DST: variants seen among roughly 807,000 people sequenced by gnomAD.
DST encodes the protein bullous pemphigoid antigen.
In DST, 253 loss-of-function variants were observed where a neutral mutation model predicts 875.2. That is an observed-to-expected ratio of 0.29 (90% CI 0.26 to 0.32). The LOEUF (loss-of-function observed/expected upper bound fraction) is 0.32. Among genes scored for constraint, DST ranks in the 10% least tolerant of loss-of-function variants. The probability of loss-of-function intolerance (pLI) is 1.00; values close to 1 mark genes in which losing one functional copy is unlikely to be tolerated. For synonymous variants in DST, 3,124 were observed against 3,197.1 expected (o/e 0.98, Z 0.77); for missense variants, 8,287 against 9,111.6 (o/e 0.91, Z 3.68).
intron 64 of DST, among the ~76,000 whole-genome samples, 163 bp from the exon 65 acceptor site, chr6:56,530,296 C>T (rs1035688798): frequency 6.6e-6 from 1 of 152,110 alleles, no homozygotes; most frequent in Admixed American, 6.6e-5. Context: ...TAAAACAATT[C>T]TTCTGTTAAA....
At position 56,634,958 on chromosome 6, in the gene DST, GTAA is replaced by G. The variant is rs759348195; in HGVS notation, c.3187-8_3187-6del. On this transcript the variant is annotated splice_polypyrimidine_tract_variant and splice_region_variant and intron_variant, in intron 24 of 103. Coordinates refer to ENST00000680361, the MANE Select transcript of DST (RefSeq NM_001374736.1). The stretch of plus-strand genomic sequence containing the variant: ...CAGAAGTTCTTCTTTCTCTTCCTAA[GTAA>G]TAAATACAGTGAATTTTAAGAAGTA... The G allele has an allele frequency of 9.3e-6, 15 of 1,607,680 alleles. No individual in the cohort carries two copies. The highest frequency in any genetic ancestry group is 1.3e-5 in the Non-Finnish European group (15 of 1,175,272).
intron 85 of DST, among the ~76,000 whole-genome samples, chr6:56,490,854 A>C (rs2095712811): frequency 6.6e-6 from 1 of 152,342 alleles, no homozygotes; most frequent in Non-Finnish European, 1.5e-5. Flanking sequence ...CCATATAAAT[A>C]GAGGAAATGC....
intron 4 of DST, among the ~76,000 whole-genome samples, chr6:56,780,431 G>C (rs1371142619): frequency 2.0e-5 from 3 of 151,378 alleles, no homozygotes; most frequent in East Asian, 1.9e-4. Flanking sequence ...ACTGGTGTGA[G>C]ATGGTATCTC....
rs1007637727 is a variant in DST, at chr6:56,789,224, C to T, written c.626-53935G>A. Among the ~76,000 whole-genome samples the T allele has an allele frequency of 2.6e-5, 4 of 152,126 alleles. No individual in the cohort carries two copies. The South Asian group carries it at 8.3e-4, about 32-fold the overall frequency. ...GTCATGCACACTTGTATCCTCACTA[C>T]GTAGGAGACTGAGGCAGGAGGATCA... On this transcript the variant is annotated intron_variant, in intron 4 of 103. Coordinates refer to ENST00000680361, the MANE Select transcript of DST (RefSeq NM_001374736.1).
chr6:56,882,624 AG>A lies in DST; in HGVS notation c.417+17796del, dbSNP rs369058790. ...CACTGAAAAGCTATCTCCTGAGCAG[AG>A]AGTCACATAATGGCATGTAATGCCA... is the stretch of plus-strand genomic sequence containing the variant. On this transcript the variant is annotated intron_variant, in intron 3 of 103. Coordinates refer to ENST00000680361, the MANE Select transcript of DST (RefSeq NM_001374736.1). 1.8e-3 allele frequency among the ~76,000 whole-genome samples: 278 copies of A among 152,312 alleles called. 3 individuals are homozygous for A. Among genetic ancestry groups the A allele is most frequent in the Middle Eastern group, 0.014 (4 of 294 alleles).
At chr6:56,625,655 G>T (rs998853291) in intron 34 of DST, among the ~76,000 whole-genome samples, 1 of 151,476 alleles carries the variant, frequency 6.6e-6, no homozygotes, top group African/African-American at 2.4e-5. Context: ...GTAATACTTG[G>T]TAATAAATGA....
chr6:56,841,922 C>G (rs1410685954), intron 4 of DST, among the ~76,000 whole-genome samples: 2 of 152,062 alleles, frequency 1.3e-5, no homozygotes, highest in African/African-American at 4.8e-5. Context: ...CAGTATTATA[C>G]ACAATAAGAG....
At chr6:56,701,835 G>T in intron 8 of DST, 53 bp downstream of exon 8, 3 of 1,097,194 alleles carry the variant, frequency 2.7e-6, no homozygotes, top group Admixed American at 2.0e-5. Context: ...TTTCTACGTG[G>T]ATGTATTAGT....
intron 50 of DST, 85 bp downstream of exon 50, chr6:56,578,729 A>T: frequency 7.2e-7 from 1 of 1,386,726 alleles, no homozygotes; most frequent in Non-Finnish European, 1.0e-6. Context: ...ATCTATAACT[A>T]GTGAACATTT....
At chr6:56,893,572 T>A (rs1592162382) in intron 3 of DST, among the ~76,000 whole-genome samples, 4 of 112,576 alleles carry the variant, frequency 3.6e-5, no homozygotes, top group Admixed American at 2.5e-4. Context: ...CTTTTTTTTT[T>A]TTTTTTTTTT....
At chr6:56,692,998 A>G in intron 9 of DST, 3 of 1,289,668 alleles carry the variant, frequency 2.3e-6, no homozygotes, top group Non-Finnish European at 2.0e-6. Context: ...GTTTGCCCCA[A>G]CTGACTCTTT....
At chr6:56,657,578 G>A (rs1335087907) in intron 10 of DST, among the ~76,000 whole-genome samples, 1 of 152,110 alleles carries the variant, frequency 6.6e-6, no homozygotes, top group East Asian at 1.9e-4. Flanking sequence ...ACGGGTGGGG[G>A]GAGAGAGAAA....
intron 98 of DST, chr6:56,466,969 C>G (rs2094605000): frequency 6.6e-6 from 1 of 152,136 alleles, no homozygotes; most frequent in Admixed American, 6.5e-5. Flanking sequence ...TTCAATAGAT[C>G]TCCAATAATG....
chr6:56,481,415 C>T (rs537337287), intron 90 of DST, among the ~76,000 whole-genome samples: 38 of 152,162 alleles, frequency 2.5e-4, no homozygotes, highest in African/African-American at 7.9e-4. Context: ...CATGCATTGC[C>T]GCAGGAAAGA....
At chr6:56,512,370 A>C (rs969031178) in intron 72 of DST, among the ~76,000 whole-genome samples, 2 of 152,244 alleles carry the variant, frequency 1.3e-5, no homozygotes, top group Non-Finnish European at 2.9e-5. Context: ...TTCAATGAGC[A>C]GTTTTTCATG....
intron 9 of DST, among the ~76,000 whole-genome samples, chr6:56,688,460 TA>T (rs1445462802): frequency 6.6e-6 from 1 of 152,200 alleles, no homozygotes; most frequent in East Asian, 1.9e-4. Flanking sequence ...CAAAGTTTTT[TA>T]AATACAAAAG....
At position 56,573,122 on chromosome 6, in the gene DST, G is replaced by T. The variant is rs1240038818; in HGVS notation, c.13237-58C>A. On this transcript the variant is annotated intron_variant, in intron 51 of 103. Coordinates refer to ENST00000680361, the MANE Select transcript of DST (RefSeq NM_001374736.1). ...TATGATGCTTATAAATAATGTGACA[G>T]AATTTTTTTAAATGACTATTCCTAA... 4.3e-6 allele frequency: 6 copies of T among 1,389,402 alleles called. No individual in the cohort carries two copies. In the South Asian group the frequency reaches 6.3e-5, roughly 15 times the overall value. The allele number at this position is 1,389,402 out of a possible 1,614,324, so 86.1% of individuals were successfully genotyped here. A position where few individuals can be genotyped will look rare whatever the true frequency, so the allele number is the denominator to read the frequency against.
chr6:56,475,392 A>AAAACACACACAC (rs1357499909), intron 92 of DST, among the ~76,000 whole-genome samples: 71 of 130,352 alleles, frequency 5.4e-4, no homozygotes, highest in African/African-American at 2.6e-3. Flanking sequence ...TTAGGCTTTT[A>AAAACACACACAC]AAACACACAC....
At chr6:56,639,896 A>T in intron 19 of DST, 33 bp downstream of exon 19, 1 of 1,606,494 alleles carries the variant, frequency 6.2e-7, no homozygotes, top group Non-Finnish European at 8.5e-7. Flanking sequence ...AGTAAACTAA[A>T]ATGAAATATA....
Sources: gnomAD v4.1 joint callset for allele counts (sites outside exome capture counted in the v4.1 genomes callset) on GRCh38, gnomAD v4.1.1 for gene constraint, MANE v1.5 for transcripts, NCBI Gene and HGNC (gene_info 2026-07-23, HGNC 2026-07-21) for gene names.